The following DOCK1 variants were observed in gnomAD, a reference collection of about 807,000 sequenced individuals.
The protein encoded by DOCK1 is dedicator of cytokinesis 1, also known as dedicator of cytokinesis protein 1.
In DOCK1, 138 loss-of-function variants were observed where a neutral mutation model predicts 262.7. The observed-to-expected ratio is 0.53, with a 90% CI of 0.46 to 0.61. The LOEUF is 0.61. Ranked by LOEUF, DOCK1 falls within the 20% of genes least tolerant of loss-of-function variation. The pLI is 0.00. For synonymous variants in DOCK1, 866 were observed against 867.4 expected, an observed-to-expected ratio of 1.00 and a Z score of 0.03; for missense variants, 1,908 against 2,370.7, an observed-to-expected ratio of 0.80 and a Z score of 4.05.
chr10:126,922,523 C>T (rs1470292788), intron 1 of DOCK1, among the ~76,000 whole-genome samples: 2 of 152,104 alleles, frequency 1.3e-5, no homozygotes, highest in African/African-American at 4.8e-5. Flanking sequence ...GAACTTGGTC[C>T]TCACCAAGAG....
rs777425410 is a variant in DOCK1 at position 127,100,499 on chromosome 10, T to C, written c.2446-5732T>C. Among the ~76,000 whole-genome samples, 8 of 151,840 alleles carry C rather than the reference T, an allele frequency of 5.3e-5. No homozygotes were observed. Among genetic ancestry groups the C allele is most frequent in the Non-Finnish European group, 7.4e-5 (5 of 67,942 alleles). On this transcript the variant is annotated intron_variant, in intron 23 of 51. Coordinates refer to ENST00000623213, the MANE Select transcript of DOCK1 (RefSeq NM_001290223.2). This position sits in a 1 kb window ranked among gnomAD's most constrained non-coding sequence, Gnocchi z 5.5. ...TTGCAATGTCTAGGGTCAGCCAGGG[T>C]GGACCCCGGTGGGTGTGGGGTGTGG...
intron 27 of DOCK1, among the ~76,000 whole-genome samples, chr10:127,187,448 C>A (rs149575827): frequency 6.6e-5 from 10 of 152,262 alleles, no homozygotes; most frequent in Non-Finnish European, 1.3e-4. Context: ...CCTCACATGA[C>A]CCCTGTATGC....
At chr10:126,927,640 T>C (rs1294906741) in intron 1 of DOCK1, among the ~76,000 whole-genome samples, 1 of 152,152 alleles carries the variant, frequency 6.6e-6, no homozygotes, top group African/African-American at 2.4e-5. Flanking sequence ...TTTCATCTTG[T>C]TGGTCGTGCT....
chr10:127,433,312 C>T lies in DOCK1; in HGVS notation c.4944C>T (p.Ser1648=). The change falls in exon 48 of 52, where the codon AGC becomes AGT. Residue 1648 remains serine (S), a synonymous_variant. Coordinates refer to ENST00000623213, the MANE Select transcript of DOCK1 (RefSeq NM_001290223.2). ...CAAGTCTGGATGATAGAAGAGGCAG[C>T]CGCCCCCGGTCCATGGTGCGGTCCT... The part of the protein sequence containing the change: ...MPSSLDDRRG[S]RPRSMVRSFT... 3 of 1,613,990 alleles carry T rather than the reference C, an allele frequency of 1.9e-6. No individual in the cohort carries two copies. Among genetic ancestry groups the T allele is most frequent in the Non-Finnish European group, 2.5e-6 (3 of 1,179,896 alleles).
At chr10:127,042,517 C>A (rs1591786097) in intron 19 of DOCK1, 108 bp from the exon 20 acceptor site, 2 of 997,794 alleles carry the variant, frequency 2.0e-6, no homozygotes, top group Admixed American at 1.8e-5. Flanking sequence ...ATAGGTAGTG[C>A]TGGGGGCAAA....
At chr10:127,318,353 G>A (rs1380745052) in intron 29 of DOCK1, among the ~76,000 whole-genome samples, 1 of 152,202 alleles carries the variant, frequency 6.6e-6, no homozygotes, top group Non-Finnish European at 1.5e-5. Context: ...GATGACAGGT[G>A]TGATCCCAGC....
chr10:126,984,689 G>C (rs1012430960), intron 4 of DOCK1, among the ~76,000 whole-genome samples: 1 of 151,986 alleles, frequency 6.6e-6, no homozygotes, highest in African/African-American at 2.4e-5. Flanking sequence ...TTTTAGATTT[G>C]ACAAATAAAA....
At chr10:127,444,742 C>G (rs969702380) in intron 50 of DOCK1, among the ~76,000 whole-genome samples, 7 of 152,148 alleles carry the variant, frequency 4.6e-5, no homozygotes, top group Non-Finnish European at 1.0e-4. Context: ...CTGGTGGCTC[C>G]AAACAGCAGA....
intron 1 of DOCK1, among the ~76,000 whole-genome samples, chr10:126,910,524 A>G (rs1343226697): frequency 1.3e-5 from 2 of 151,776 alleles, no homozygotes; most frequent in Non-Finnish European, 2.9e-5. Flanking sequence ...TTGTATTTTC[A>G]GATGATTGCA....
intron 27 of DOCK1, among the ~76,000 whole-genome samples, chr10:127,201,884 C>T (rs1341735339): frequency 2.0e-5 from 3 of 152,168 alleles, no homozygotes; most frequent in African/African-American, 7.2e-5. Context: ...CACTGGGGAG[C>T]CAACCTCTTC....
chr10:127,281,146 C>G (rs2060948556), intron 29 of DOCK1, among the ~76,000 whole-genome samples: 1 of 152,190 alleles, frequency 6.6e-6, no homozygotes, highest in Non-Finnish European at 1.5e-5. Context: ...CTCACTCATA[C>G]AGTTTTATTT....
chr10:126,905,476 C>A lies in DOCK1; in HGVS notation c.-42C>A, dbSNP rs775110173. On this transcript the variant is annotated 5_prime_UTR_variant, in exon 1 of 52. Coordinates refer to ENST00000623213, the MANE Select transcript of DOCK1 (RefSeq NM_001290223.2). The stretch of plus-strand genomic sequence containing the variant: ...AAGGAATGGAAAATGGCGGCCTAGA[C>A]GCGGAGTTTCCTGCCCGACCCGCGG... 39 of 518,470 alleles carry A rather than the reference C, an allele frequency of 7.5e-5. 1 individual carries two copies. Among genetic ancestry groups the A allele is most frequent in the African/African-American group, 6.1e-4 (30 of 48,866 alleles). 32.1% of individuals were successfully genotyped at this position (518,470 alleles called of 1,614,324 possible).
At position 127,416,462 on chromosome 10, in the gene DOCK1, C is replaced by T. The variant is rs576357579; in HGVS notation, c.4515+1224C>T. Reference sequence around the variant, plus strand: ...TCGGGGCCTGCCAGCCAACAGCTGCCGGATGCAGGAGCTTAGGGAGGTGGA... The same window carrying T: ...TCGGGGCCTGCCAGCCAACAGCTGCTGGATGCAGGAGCTTAGGGAGGTGGA... On this transcript the variant is annotated intron_variant, in intron 44 of 51. Coordinates refer to ENST00000623213, the MANE Select transcript of DOCK1 (RefSeq NM_001290223.2). Among the ~76,000 whole-genome samples, 7 of 152,290 alleles carry T rather than the reference C, an allele frequency of 4.6e-5. No individual in the cohort carries two copies. The South Asian group carries it at 8.3e-4, about 18-fold the overall frequency.
Position 127,381,402 on chromosome 10 carries a change from A to G in DOCK1, c.3807+34A>G, listed in dbSNP as rs769918412. Reference sequence around the variant, plus strand: ...AATTACCAGTCACCTTGATGATTCTATTGTTATAAATTCTAACAATATTCA... The same window carrying G: ...AATTACCAGTCACCTTGATGATTCTGTTGTTATAAATTCTAACAATATTCA... On this transcript the variant is annotated intron_variant, in intron 37 of 51. Transcript: ENST00000623213. 1.5e-5 allele frequency: 23 copies of G among 1,562,582 alleles called. No individual in the cohort carries two copies. In the South Asian group the frequency reaches 2.0e-4, roughly 14 times the overall value.
At position 127,447,375 on chromosome 10, in the gene DOCK1, A is replaced by C. The variant is rs1362494876; in HGVS notation, c.5414-19A>C. The C allele has an allele frequency of 6.2e-7, 1 of 1,607,642 alleles. No individual in the cohort carries two copies. Among genetic ancestry groups the C allele is most frequent in the Admixed American group, 1.7e-5 (1 of 59,144 alleles). Reference sequence around the variant, plus strand: ...CGTGGGGAAGTCGGGCTGATTTTAAATAGATCCCGGTTTTCCAGGCTTGGA... The same window carrying C: ...CGTGGGGAAGTCGGGCTGATTTTAACTAGATCCCGGTTTTCCAGGCTTGGA... On this transcript the variant is annotated intron_variant, in intron 50 of 51. Transcript: ENST00000623213.
At position 127,373,693 on chromosome 10, in the gene DOCK1, C is replaced by T. The variant is rs541599488; in HGVS notation, c.3433-88C>T. On this transcript the variant is annotated intron_variant, in intron 33 of 51. Transcript: ENST00000623213. ...AGGGTAGCCATCTATGATGATCTCT[C>T]TTGCCGATTTATGTTCTATTGACAC... The T allele has an allele frequency of 3.2e-6, 4 of 1,236,502 alleles. No individual in the cohort carries two copies. In the Admixed American group the frequency reaches 8.0e-5, roughly 25 times the overall value. The allele number at this position is 1,236,502 out of a possible 1,614,324, so 76.6% of individuals were successfully genotyped here.
Position 127,180,190 on chromosome 10 carries a change from A to T in DOCK1, c.2847+52426A>T, listed in dbSNP as rs150153450. Among the ~76,000 whole-genome samples the T allele has an allele frequency of 5.0e-3, 768 of 152,340 alleles. 8 individuals carry two copies. The highest frequency in any genetic ancestry group is 0.018 in the African/African-American group (733 of 41,590). On this transcript the variant is annotated intron_variant, in intron 27 of 51. Transcript: ENST00000623213. ...TGCCCTTGTCTTGTTCCCACAGTGT[A>T]TCTGGGTGCTGGTTAGGCAAGGACA... is the stretch of plus-strand genomic sequence containing the variant.
At chr10:127,351,804 G>T (rs546263970) in intron 31 of DOCK1, among the ~76,000 whole-genome samples, 64 of 152,084 alleles carry the variant, frequency 4.2e-4, no homozygotes, top group African/African-American at 1.4e-3. Flanking sequence ...GATTACTCTG[G>T]GGCATGTATA....
chr10:127,197,251 T>C (rs559295066), intron 27 of DOCK1, among the ~76,000 whole-genome samples: 286 of 152,054 alleles, frequency 1.9e-3, no homozygotes, highest in African/African-American at 6.3e-3. Flanking sequence ...CTACCCCCCA[T>C]CCAGAGCACA....
Sources: allele counts gnomAD v4.1 joint callset (sites outside exome capture counted in the v4.1 genomes callset), GRCh38; gene constraint gnomAD v4.1.1; non-coding constraint Gnocchi (gnomAD v3.1); transcripts MANE v1.5; gene names NCBI Gene and HGNC (gene_info 2026-07-23, HGNC 2026-07-21).